Variants in PARP15 observed in about 807,000 individuals in gnomAD.
The protein encoded by PARP15 is poly(ADP-ribose) polymerase family member 15.
A neutral mutation model predicts 62.1 loss-of-function variants in PARP15; 50 were observed. That is an observed-to-expected ratio of 0.81 (90% CI 0.64 to 1.02). The LOEUF (loss-of-function observed/expected upper bound fraction) is 1.02, where lower values mean the gene tolerates loss of function less well. Ranked by LOEUF, PARP15 falls within the 50% of genes least tolerant of loss-of-function variation. PARP15 has a pLI of 0.00. For missense variants in PARP15, 820 were observed against 826.5 expected (o/e 0.99, Z 0.10); for synonymous variants, 309 against 293.1 (o/e 1.05, Z -0.55).
intron 1 of PARP15, among the ~76,000 whole-genome samples, chr3:122,591,190 T>A (rs1933877698): frequency 1.3e-5 from 2 of 152,224 alleles, no homozygotes; most frequent in African/African-American, 2.4e-5. Context: ...ATCCTGAGTG[T>A]TTCTGTCTCC....
At position 122,577,783 on chromosome 3, in the gene PARP15, C is replaced by G. The variant is rs1159811282; in HGVS notation, c.116C>G (p.Ala39Gly). The G allele has an allele frequency of 3.2e-6, 5 of 1,551,286 alleles. No individual in the cohort carries two copies. Among genetic ancestry groups the G allele is most frequent in the Non-Finnish European group, 4.4e-6 (5 of 1,146,876 alleles). Residue 39 changes from alanine to glycine, a missense_variant, in exon 1 of 12, where the codon GCG becomes GGG. This residue lies in a region of PARP15 where 731 missense variants were observed against 727.7 expected (regional missense o/e 1.00). Coordinates refer to ENST00000464300, the MANE Select transcript of PARP15 (RefSeq NM_001113523.3). ...VTSRAGRDRE[A>G]GSVLPAGNRG... ...TCCAGAGCCGGACGAGATCGGGAGG[C>G]GGGGAGCGTGCTGCCGGCCGGGAAC...
intron 1 of PARP15, among the ~76,000 whole-genome samples, chr3:122,588,697 G>A (rs913009686): frequency 6.6e-5 from 10 of 151,958 alleles, no homozygotes; most frequent in South Asian, 2.1e-4. Context: ...TTTCATCACC[G>A]CAAGAGAAAC....
intron 1 of PARP15, among the ~76,000 whole-genome samples, chr3:122,581,723 C>G (rs2877616): frequency 0.37 from 56,453 of 151,990 alleles, 10,901 homozygotes; most frequent in Admixed American, 0.46. Flanking sequence ...GTTTCCTTTG[C>G]TATGCGGTTT....
intron 4 of PARP15, chr3:122,615,296 C>T (rs1935881715): frequency 7.8e-7 from 1 of 1,289,600 alleles, no homozygotes; most frequent in Admixed American, 2.3e-5. Flanking sequence ...GAGGCTTTGG[C>T]TGGACCTAAG....
At position 122,604,992 on chromosome 3, in the gene PARP15, C is replaced by T. The variant is rs1266164257; in HGVS notation, c.187-944C>T. 3.3e-5 allele frequency among the ~76,000 whole-genome samples: 5 copies of T among 152,218 alleles called. No individual in the cohort carries two copies. The South Asian group carries it at 6.2e-4, about 19-fold the overall frequency. ...CAGAGGTTGCAGTGAGCCGAGATCA[C>T]GCTACTTCACTGCAGCCTAGGTGAC... On this transcript the variant is annotated intron_variant, in intron 1 of 11. Coordinates refer to ENST00000464300, the MANE Select transcript of PARP15 (RefSeq NM_001113523.3).
rs575495338 is a variant in PARP15, at chr3:122,638,574, G to C, written c.*2474G>C. ...AGTGATGATGAGCATTTTTTCATGT[G>C]TTTTTTGGCTGCATAAATGTCTTCT... On this transcript the variant is annotated 3_prime_UTR_variant, in exon 12 of 12. Coordinates refer to ENST00000464300, the MANE Select transcript of PARP15 (RefSeq NM_001113523.3). 736 of 152,244 alleles carry C rather than the reference G, an allele frequency of 4.8e-3. 10 individuals carry two copies. Among genetic ancestry groups the C allele is most frequent in the African/African-American group, 0.017 (694 of 41,544 alleles). 9.4% of individuals were successfully genotyped at this position (152,244 alleles called of 1,614,324 possible).
intron 1 of PARP15, among the ~76,000 whole-genome samples, chr3:122,587,511 CATT>C (rs1933540157): frequency 6.6e-6 from 1 of 152,060 alleles, no homozygotes; most frequent in Non-Finnish European, 1.5e-5. Context: ...TAGGGTAGCT[CATT>C]GTTGTTTTGT....
chr3:122,596,061 G>T (rs1324287596), intron 1 of PARP15, among the ~76,000 whole-genome samples: 6 of 151,532 alleles, frequency 4.0e-5, no homozygotes, highest in African/African-American at 1.2e-4. Context: ...TTGTCTAAAA[G>T]AATATGCATA....
intron 4 of PARP15, among the ~76,000 whole-genome samples, chr3:122,614,033 A>G (rs1203244599): frequency 6.6e-6 from 1 of 151,934 alleles, no homozygotes; most frequent in African/African-American, 2.4e-5. Flanking sequence ...ATTAGTAGAG[A>G]TGGGGTTTCT....
At chr3:122,604,734 G>A (rs902697309) in intron 1 of PARP15, among the ~76,000 whole-genome samples, 1 of 152,156 alleles carries the variant, frequency 6.6e-6, no homozygotes, top group African/African-American at 2.4e-5. Context: ...GGTGGCGAGT[G>A]CCTGTAATCC....
In PARP15 at chr3:122,638,814, A is replaced by G. The variant is rs1431418865; in HGVS notation, c.*2714A>G. ...AAGCTCTTTAGTTTAATTAGATCCCATATTTCTACCATTTTTCATTAAACA... is the reference window on the plus strand; with the variant it reads ...AAGCTCTTTAGTTTAATTAGATCCCGTATTTCTACCATTTTTCATTAAACA... On this transcript the variant is annotated 3_prime_UTR_variant, in exon 12 of 12. Transcript: ENST00000464300. 1 of 152,024 alleles carries G rather than the reference A, an allele frequency of 6.6e-6. No homozygotes were observed. The highest frequency in any genetic ancestry group is 2.4e-5 in the African/African-American group (1 of 41,390). The allele number at this position is 152,024 out of a possible 1,614,324, so 9.4% of individuals were successfully genotyped here. A position where few individuals can be genotyped will look rare whatever the true frequency, so the allele number is the denominator to read the frequency against.
At chr3:122,629,068 G>A (rs1301263337) in intron 9 of PARP15, among the ~76,000 whole-genome samples, 2 of 152,214 alleles carry the variant, frequency 1.3e-5, no homozygotes, top group African/African-American at 4.8e-5. Context: ...ATGTGAGTAG[G>A]TGGGATTGAA....
chr3:122,599,372 CAA>C (rs35376492), intron 1 of PARP15, among the ~76,000 whole-genome samples: 4 of 134,312 alleles, frequency 3.0e-5, no homozygotes, highest in African/African-American at 5.5e-5. Context: ...GACATAGTCT[CAA>C]AAAAAAAAAA....
intron 1 of PARP15, 27 bp from the exon 2 acceptor site, chr3:122,605,909 G>A: frequency 6.5e-7 from 1 of 1,548,100 alleles, no homozygotes; most frequent in Non-Finnish European, 8.7e-7. Flanking sequence ...TGGCATTGCT[G>A]GTAATGCTTT....
chr3:122,606,617 A>C (rs761338349), intron 2 of PARP15, among the ~76,000 whole-genome samples: 2 of 152,132 alleles, frequency 1.3e-5, no homozygotes, highest in African/African-American at 2.4e-5. Flanking sequence ...GTTGACATCC[A>C]TCGTGCTCAA....
At chr3:122,611,792 G>A (rs1487505898) in intron 3 of PARP15, among the ~76,000 whole-genome samples, 8 of 150,060 alleles carry the variant, frequency 5.3e-5, no homozygotes, top group South Asian at 2.1e-4. Flanking sequence ...TTGGCTCACC[G>A]CAGCCTCCGC....
intron 6 of PARP15, among the ~76,000 whole-genome samples, chr3:122,618,215 A>G (rs1936113975): frequency 6.6e-6 from 1 of 152,218 alleles, no homozygotes; most frequent in Non-Finnish European, 1.5e-5. Flanking sequence ...TAAAATGTAG[A>G]CATAAAGAAC....
At position 122,619,788 on chromosome 3, in the gene PARP15, A is replaced by G. The variant is rs1323020288; in HGVS notation, c.1008A>G (p.Ser336=). 2 of 1,612,020 alleles carry G rather than the reference A, an allele frequency of 1.2e-6. No individual in the cohort carries two copies. The highest frequency in any genetic ancestry group is 1.7e-5 in the Admixed American group (1 of 60,030). The change falls in exon 7 of 12, where the codon TCA becomes TCG. Residue 336 remains serine (S), a synonymous_variant. Transcript: ENST00000464300. ...ARTFNRKSGV[S]RAILEGAGQA... ...TTAACATGTCTTATTTAGGTGTGTC[A>G]AGAGCTATTTTAGAAGGTGCTGGAC...
intron 1 of PARP15, among the ~76,000 whole-genome samples, chr3:122,586,221 T>G (rs941290393): frequency 1.1e-4 from 5 of 47,416 alleles, no homozygotes; most frequent in South Asian, 7.2e-4. Context: ...TTTCATATGT[T>G]AAACGTATTT....
Sources: allele counts gnomAD v4.1 joint callset (sites outside exome capture counted in the v4.1 genomes callset), GRCh38; gene constraint gnomAD v4.1.1; regional missense constraint gnomAD v4.1.1; transcripts MANE v1.5; gene names NCBI Gene and HGNC (gene_info 2026-07-23, HGNC 2026-07-21).